The following SLC9A9 variants were observed in gnomAD, a reference collection of about 807,000 sequenced individuals.
SLC9A9 encodes sodium/hydrogen exchanger 9.
Under a neutral mutation model 77.8 loss-of-function variants are expected in SLC9A9, and 62 were observed. That is an observed-to-expected ratio of 0.80 (90% confidence interval 0.65 to 0.98). SLC9A9 has a LOEUF of 0.98. SLC9A9 is among the 50% of genes least tolerant of loss of function. The pLI, the probability that SLC9A9 is intolerant of heterozygous loss-of-function variation, is 0.00. For synonymous variants in SLC9A9, 320 were observed against 283.5 expected (o/e 1.13, Z -1.29); for missense variants, 775 against 774.9 (o/e 1.00, Z 0.00).
chr3:143,458,581 A>C (rs150445159), intron 12 of SLC9A9, among the ~76,000 whole-genome samples: 15 of 152,058 alleles, frequency 9.9e-5, no homozygotes, highest in Non-Finnish European at 1.9e-4. Context: ...ACTTTTGACT[A>C]TATCTCATTG....
chr3:143,491,543 G>C (rs1342758396), intron 11 of SLC9A9, among the ~76,000 whole-genome samples: 1 of 152,050 alleles, frequency 6.6e-6, no homozygotes, highest in African/African-American at 2.4e-5. Context: ...GAATATCATA[G>C]AAATAAATTC....
chr3:143,422,554 T>C (rs765288682), intron 12 of SLC9A9, among the ~76,000 whole-genome samples: 5 of 151,870 alleles, frequency 3.3e-5, no homozygotes, highest in Admixed American at 6.6e-5. Flanking sequence ...TGGGTACACA[T>C]AGACATAAAG....
chr3:143,552,524 G>A (rs766059078), intron 8 of SLC9A9, 74 bp from the exon 9 acceptor site: 72 of 1,261,692 alleles, frequency 5.7e-5, no homozygotes, highest in Middle Eastern at 1.8e-4. Flanking sequence ...GGCTATTCCA[G>A]TTGGAAAATA....
intron 2 of SLC9A9, among the ~76,000 whole-genome samples, chr3:143,808,900 G>T (rs1387018682): frequency 6.6e-6 from 1 of 152,084 alleles, no homozygotes; most frequent in Non-Finnish European, 1.5e-5. Flanking sequence ...TAAAATATTT[G>T]AACGAATATT....
chr3:143,406,337 A>C (rs1331460765), intron 12 of SLC9A9, among the ~76,000 whole-genome samples: 2 of 152,072 alleles, frequency 1.3e-5, no homozygotes, highest in Non-Finnish European at 2.9e-5. Context: ...TGTTTTTGAA[A>C]TCTAAGATAC....
intron 14 of SLC9A9, among the ~76,000 whole-genome samples, chr3:143,294,643 C>A (rs2030166909): frequency 6.6e-6 from 1 of 152,154 alleles, no homozygotes; most frequent in African/African-American, 2.4e-5. Flanking sequence ...GGGGTTTGAG[C>A]CAGCTCCCTC....
intron 4 of SLC9A9, among the ~76,000 whole-genome samples, chr3:143,719,721 A>G (rs1419674726): frequency 6.6e-6 from 1 of 152,230 alleles, no homozygotes; most frequent in Non-Finnish European, 1.5e-5. Context: ...CCATACTGCT[A>G]TAGTAGTACT....
chr3:143,401,298 G>A (rs887464049), intron 12 of SLC9A9, among the ~76,000 whole-genome samples: 1 of 152,098 alleles, frequency 6.6e-6, no homozygotes, highest in African/African-American at 2.4e-5. Context: ...TCTGGGTTCT[G>A]GTTAATATTC....
intron 7 of SLC9A9, among the ~76,000 whole-genome samples, chr3:143,577,747 C>T (rs915018438): frequency 5.3e-5 from 8 of 152,186 alleles, no homozygotes; most frequent in African/African-American, 1.7e-4. Context: ...AATATTTTGC[C>T]TTCTCTTTGC....
rs149144407 is a variant in SLC9A9, at chr3:143,388,975, G to A, written c.1470-6861C>T. Among the ~76,000 whole-genome samples, 240 of 152,278 alleles carry A rather than the reference G, an allele frequency of 1.6e-3. 1 individual carries two copies. Among genetic ancestry groups the A allele is most frequent in the African/African-American group, 5.5e-3 (230 of 41,542 alleles). Reference sequence around the variant, plus strand: ...AGGTTGGGGAGGGGACTCCAGGCACGGCATGGGCAAAGGCATAGGGGAACA... The same window carrying A: ...AGGTTGGGGAGGGGACTCCAGGCACAGCATGGGCAAAGGCATAGGGGAACA... On this transcript the variant is annotated intron_variant, in intron 12 of 15. Transcript: ENST00000316549.
chr3:143,632,648 T>C (rs2038446783), intron 6 of SLC9A9, among the ~76,000 whole-genome samples: 1 of 152,188 alleles, frequency 6.6e-6, no homozygotes, highest in African/African-American at 2.4e-5. Flanking sequence ...GAATACCTCT[T>C]GAATAGTATT....
At chr3:143,276,266 T>TGGAG (rs1938045949) in intron 14 of SLC9A9, among the ~76,000 whole-genome samples, 1 of 152,196 alleles carries the variant, frequency 6.6e-6, no homozygotes, top group African/African-American at 2.4e-5. Flanking sequence ...TCAAAAACAT[T>TGGAG]CCAACTATAC....
At chr3:143,737,591 A>G (rs1013931880) in intron 4 of SLC9A9, among the ~76,000 whole-genome samples, 7 of 152,152 alleles carry the variant, frequency 4.6e-5, no homozygotes, top group Non-Finnish European at 1.0e-4. Flanking sequence ...ATAAAGCTCT[A>G]TGTACTTGGT....
intron 12 of SLC9A9, among the ~76,000 whole-genome samples, chr3:143,461,336 GA>G (rs1271835560): frequency 6.6e-6 from 1 of 152,150 alleles, no homozygotes; most frequent in Non-Finnish European, 1.5e-5. Flanking sequence ...AAACCTTCCA[GA>G]GACTATTTCT....
At chr3:143,773,056 AT>A (rs879428998) in intron 4 of SLC9A9, among the ~76,000 whole-genome samples, 25 of 152,102 alleles carry the variant, frequency 1.6e-4, no homozygotes, top group Admixed American at 8.5e-4. Flanking sequence ...CCTTTAAAAC[AT>A]TTTTTTTGAT....
chr3:143,266,131 A>C lies in SLC9A9; in HGVS notation c.*571T>G. 8.5e-6 allele frequency: 6 copies of C among 702,166 alleles called. No homozygotes were observed. Among genetic ancestry groups the C allele is most frequent in the Middle Eastern group, 2.3e-4 (1 of 4,354 alleles). 43.5% of individuals were successfully genotyped at this position (702,166 alleles called of 1,614,324 possible). ...AGAAGAACAATAGGTTCTTCAACTCAGTGTGGGCTCTGGGAAACCATCAGC... is the reference window on the plus strand; with the variant it reads ...AGAAGAACAATAGGTTCTTCAACTCCGTGTGGGCTCTGGGAAACCATCAGC... On this transcript the variant is annotated 3_prime_UTR_variant, in exon 16 of 16. Coordinates refer to ENST00000316549, the MANE Select transcript of SLC9A9 (RefSeq NM_173653.4).
chr3:143,534,004 A>T (rs1335431074), intron 9 of SLC9A9, among the ~76,000 whole-genome samples: 2 of 152,242 alleles, frequency 1.3e-5, no homozygotes, highest in Non-Finnish European at 2.9e-5. Context: ...TAAAGATTTC[A>T]TATGGTAAAA....
intron 8 of SLC9A9, among the ~76,000 whole-genome samples, chr3:143,557,448 G>A (rs2037005871): frequency 6.6e-6 from 1 of 152,192 alleles, no homozygotes; most frequent in Admixed American, 6.5e-5. Flanking sequence ...ACAGGCAGAG[G>A]TTGGAACAGT....
chr3:143,550,926 A>G (rs2036870312), intron 9 of SLC9A9, among the ~76,000 whole-genome samples: 2 of 152,292 alleles, frequency 1.3e-5, no homozygotes, highest in South Asian at 4.1e-4. Flanking sequence ...GTGCTCCTCC[A>G]AAATTCATAT....
Sources: allele counts gnomAD v4.1 joint callset (sites outside exome capture counted in the v4.1 genomes callset), GRCh38; gene constraint gnomAD v4.1.1; transcripts MANE v1.5; gene names NCBI Gene and HGNC (gene_info 2026-07-23, HGNC 2026-07-21).